DOCK10: variants seen among roughly 807,000 people sequenced by gnomAD.
DOCK10 encodes the protein dedicator of cytokinesis 10.
DOCK10 carries 145 observed loss-of-function variants against 280.1 expected under a neutral mutation model. The observed-to-expected ratio is 0.52, with a 90% confidence interval of 0.45 to 0.59. DOCK10 has a LOEUF of 0.59. Among genes scored for constraint, DOCK10 ranks in the 20% least tolerant of loss-of-function variants. DOCK10 has a pLI of 0.00. For missense variants in DOCK10, 2,368 were observed against 2,651.7 expected (o/e 0.89, Z 2.35); for synonymous variants, 915 against 942.2 (o/e 0.97, Z 0.53).
chr2:225,014,443 A>T (rs2106078421), intron 1 of DOCK10, among the ~76,000 whole-genome samples: 1 of 152,228 alleles, frequency 6.6e-6, no homozygotes, highest in Non-Finnish European at 1.5e-5. Context: ...ATATGATAAT[A>T]TCAGTATAAG....
chr2:224,943,469 C>T (rs1703206861), intron 1 of DOCK10, among the ~76,000 whole-genome samples: 1 of 152,122 alleles, frequency 6.6e-6, no homozygotes, highest in African/African-American at 2.4e-5. Context: ...TAAAATTAAA[C>T]CATTTCTAAA....
intron 1 of DOCK10, among the ~76,000 whole-genome samples, chr2:224,963,970 A>G (rs1316576761): frequency 2.0e-5 from 3 of 147,210 alleles, no homozygotes; most frequent in Non-Finnish European, 4.5e-5. Context: ...CTACAATCAC[A>G]TGTTTTCACA....
intron 1 of DOCK10, among the ~76,000 whole-genome samples, chr2:224,984,918 T>G (rs1222416399): frequency 6.6e-6 from 1 of 151,366 alleles, no homozygotes; most frequent in South Asian, 2.1e-4. Context: ...CTTGGCTCAC[T>G]GCAACCTCGG....
intron 3 of DOCK10, among the ~76,000 whole-genome samples, chr2:224,897,730 A>G (rs1700066862): frequency 6.6e-6 from 1 of 152,236 alleles, no homozygotes; most frequent in Non-Finnish European, 1.5e-5. Context: ...GATGTGAATA[A>G]CTGATAAGCA....
chr2:224,944,408 A>G (rs1003777290), intron 1 of DOCK10, among the ~76,000 whole-genome samples: 2 of 152,226 alleles, frequency 1.3e-5, no homozygotes, highest in Non-Finnish European at 2.9e-5. Context: ...TAATAACACT[A>G]CACAACACTT....
At chr2:224,823,369 G>T in intron 28 of DOCK10, 132 bp downstream of exon 28, 1 of 704,414 alleles carries the variant, frequency 1.4e-6, no homozygotes, top group Non-Finnish European at 2.1e-6. Context: ...ATGTATAAAT[G>T]AAAGTTTTCA....
chr2:225,018,535 T>G (rs866828126), intron 1 of DOCK10, among the ~76,000 whole-genome samples: 2 of 9,390 alleles, frequency 2.1e-4, no homozygotes, highest in Non-Finnish European at 6.8e-4. Flanking sequence ...AATATATATG[T>G]AATATTATAT....
intron 1 of DOCK10, among the ~76,000 whole-genome samples, chr2:224,965,403 G>A (rs1001345213): frequency 6.6e-6 from 1 of 152,144 alleles, no homozygotes; most frequent in African/African-American, 2.4e-5. Flanking sequence ...TACACAAGAC[G>A]GTCTGCAGTT....
intron 27 of DOCK10, among the ~76,000 whole-genome samples, chr2:224,829,748 G>A (rs571221413): frequency 3.7e-4 from 56 of 152,240 alleles, no homozygotes; most frequent in African/African-American, 1.1e-3. Flanking sequence ...CAAGACCTTC[G>A]GAGCTGCTAG....
At chr2:225,005,494 T>C (rs1706540802) in intron 1 of DOCK10, among the ~76,000 whole-genome samples, 1 of 152,254 alleles carries the variant, frequency 6.6e-6, no homozygotes, top group Non-Finnish European at 1.5e-5. Context: ...CCTGTTAGTA[T>C]ATACTTAACA....
intron 27 of DOCK10, among the ~76,000 whole-genome samples, chr2:224,827,612 G>A (rs551872766): frequency 7.2e-5 from 11 of 152,060 alleles, no homozygotes; most frequent in Non-Finnish European, 1.2e-4. Flanking sequence ...CGTCGTTTTC[G>A]TCAGCTAACA....
At chr2:224,879,510 C>G (rs896172368) in intron 7 of DOCK10, among the ~76,000 whole-genome samples, 2 of 152,148 alleles carry the variant, frequency 1.3e-5, no homozygotes. Context: ...GTAATCCCAG[C>G]GCTTTAGGAG....
intron 7 of DOCK10, among the ~76,000 whole-genome samples, chr2:224,883,980 T>C (rs1431185972): frequency 1.3e-5 from 2 of 152,230 alleles, no homozygotes; most frequent in Non-Finnish European, 2.9e-5. Context: ...TCAATGTCTA[T>C]AAAATGCAGT....
chr2:224,884,462 G>A (rs565832921), intron 7 of DOCK10, among the ~76,000 whole-genome samples: 7 of 152,184 alleles, frequency 4.6e-5, no homozygotes, highest in Non-Finnish European at 8.8e-5. Flanking sequence ...TTGAGGGAAG[G>A]TTGCTAAAAC....
chr2:224,866,126 G>A (rs1195850843), intron 11 of DOCK10, among the ~76,000 whole-genome samples: 1 of 152,108 alleles, frequency 6.6e-6, no homozygotes, highest in African/African-American at 2.4e-5. Flanking sequence ...ACTCAATAAT[G>A]CCTCTGTTTT....
intron 1 of DOCK10, among the ~76,000 whole-genome samples, chr2:225,006,011 A>G (rs1042689249): frequency 1.3e-5 from 2 of 152,234 alleles, no homozygotes; most frequent in Admixed American, 6.5e-5. Flanking sequence ...TAGGTGCCTC[A>G]TGAAATAGAG....
chr2:224,829,854 C>A lies in DOCK10; in HGVS notation c.3036+687G>T, dbSNP rs543766532. Among the ~76,000 whole-genome samples, 98 of 152,198 alleles carry A rather than the reference C, an allele frequency of 6.4e-4. 3 individuals carry two copies. The South Asian group carries it at 0.02, about 31-fold the overall frequency. On this transcript the variant is annotated intron_variant, in intron 27 of 55. Transcript: ENST00000258390. ...GCCATGGAAGGGGCTGTAATTAATT[C>A]CATCAGGGTCCCTCTTCTAAGCTTC...
intron 11 of DOCK10, among the ~76,000 whole-genome samples, chr2:224,866,008 C>T (rs147377879): frequency 2.6e-5 from 4 of 152,210 alleles, no homozygotes; most frequent in Admixed American, 6.5e-5. Flanking sequence ...AGTGTTTTCC[C>T]GAAATGAGGA....
rs1692633743 is a variant in DOCK10, at chr2:224,797,107, C to T, written c.4684G>A (p.Gly1562Arg). Reference protein sequence around the residue: ...AFFQGPADLCGSFCYEVLKCC... With the variant: ...AFFQGPADLCRSFCYEVLKCC... ...TTTAGGACTTCGTAACAGAATGATC[C>T]ACAGAGGTCAGCAGGCCCTTGAAAG... The change falls in exon 43 of 56, where the codon GGA becomes AGA. Residue 1562 changes from glycine to arginine, a missense_variant. Gly to Arg is a moderately radical substitution (Grantham distance 125). This residue lies in a region of DOCK10 where 1,159 missense variants were observed against 1,400.8 expected (regional missense o/e 0.83). Coordinates refer to ENST00000258390, the MANE Select transcript of DOCK10 (RefSeq NM_014689.3). 1 of 1,612,792 alleles carries T rather than the reference C, an allele frequency of 6.2e-7. No homozygotes were observed.
Sources: gnomAD v4.1 joint callset for allele counts (sites outside exome capture counted in the v4.1 genomes callset) on GRCh38, gnomAD v4.1.1 for gene constraint, gnomAD v4.1.1 regional missense constraint, MANE v1.5 for transcripts, NCBI Gene and HGNC (gene_info 2026-07-23, HGNC 2026-07-21) for gene names.